The following STON2 variants were observed in gnomAD, a reference collection of about 807,000 sequenced individuals.
STON2 encodes the protein stonin 2.
Under a neutral mutation model 65.7 loss-of-function variants are expected in STON2, and 29 were observed. The ratio of observed to expected loss-of-function variants is 0.44; its 90% CI spans 0.33 to 0.60. STON2 has a LOEUF of 0.60. Among genes scored for constraint, STON2 ranks in the 20% least tolerant of loss-of-function variants. The pLI is 0.03. For missense variants in STON2, 1,054 were observed against 1,118.1 expected, an observed-to-expected ratio of 0.94 and a Z score of 0.82; for synonymous variants, 404 against 414.2, an observed-to-expected ratio of 0.98 and a Z score of 0.30.
intron 3 of STON2, 120 bp from the exon 4 acceptor site, chr14:81,371,305 C>G (rs545651196): frequency 1.1e-6 from 1 of 920,956 alleles, no homozygotes; most frequent in East Asian, 2.6e-5. Flanking sequence ...TCATATGAGG[C>G]AAGGAAGTCT....
intron 3 of STON2, among the ~76,000 whole-genome samples, chr14:81,390,038 C>A (rs916522050): frequency 6.6e-6 from 1 of 151,678 alleles, no homozygotes; most frequent in African/African-American, 2.4e-5. Flanking sequence ...CATAATGAAA[C>A]CCATCTCTAC....
At chr14:81,347,889 C>T (rs1380513161) in intron 4 of STON2, among the ~76,000 whole-genome samples, 2 of 121,312 alleles carry the variant, frequency 1.6e-5, no homozygotes, top group South Asian at 6.0e-4. Flanking sequence ...CAGAGTAGGA[C>T]CCTGTCTCTT....
At chr14:81,270,013 C>T in intron 7 of STON2, 1 of 984,566 alleles carries the variant, frequency 1.0e-6, no homozygotes, top group Non-Finnish European at 1.2e-6. Flanking sequence ...GCATTTTCTC[C>T]CCTCCATTTC....
At chr14:81,296,319 A>G (rs1895759712) in intron 5 of STON2, among the ~76,000 whole-genome samples, 1 of 152,234 alleles carries the variant, frequency 6.6e-6, no homozygotes, top group Non-Finnish European at 1.5e-5. Flanking sequence ...GATTTGTTTT[A>G]TGAAGTAAAT....
intron 2 of STON2, among the ~76,000 whole-genome samples, chr14:81,398,016 A>T (rs570277903): frequency 1.3e-5 from 2 of 152,202 alleles, no homozygotes; most frequent in Non-Finnish European, 1.5e-5. Context: ...GGCTGAGAGT[A>T]AAGTATTTGG....
At chr14:81,338,442 G>A (rs1028787833) in intron 4 of STON2, among the ~76,000 whole-genome samples, 3 of 152,310 alleles carry the variant, frequency 2.0e-5, no homozygotes, top group Middle Eastern at 3.4e-3. Context: ...CTTTCCACAT[G>A]TCTTGCTCTG....
rs765679471 is a variant in STON2 at position 81,270,636 on chromosome 14, T to C, written c.2784+34A>G. The C allele has an allele frequency of 8.7e-6, 14 of 1,613,748 alleles. 1 individual carries two copies. The Admixed American group carries it at 2.3e-4, about 27-fold the overall frequency. On this transcript the variant is annotated intron_variant, in intron 7 of 7. Transcript: ENST00000614646. Reference sequence around the variant, plus strand: ...AGGGTAGTGGGGTGAACAAATGGAGTTGGAAGCATTAGCCAGATGCTTCCC... The same window carrying C: ...AGGGTAGTGGGGTGAACAAATGGAGCTGGAAGCATTAGCCAGATGCTTCCC...
intron 2 of STON2, among the ~76,000 whole-genome samples, chr14:81,420,895 C>T (rs1240980112): frequency 6.6e-6 from 1 of 152,172 alleles, no homozygotes; most frequent in African/African-American, 2.4e-5. Context: ...CGTCCACCCC[C>T]AAACCTGCCC....
At chr14:81,423,012 G>C (rs1036285628) in intron 2 of STON2, among the ~76,000 whole-genome samples, 1 of 150,530 alleles carries the variant, frequency 6.6e-6, no homozygotes, top group Non-Finnish European at 1.5e-5. Context: ...TCCAGCCTGG[G>C]AGACAGGGCA....
chr14:81,337,966 T>A (rs1897440828), intron 4 of STON2, among the ~76,000 whole-genome samples: 1 of 152,018 alleles, frequency 6.6e-6, no homozygotes. Flanking sequence ...TTAAAAAAGA[T>A]AAAAAGAAAA....
Position 81,396,120 on chromosome 14 carries a change from G to A in STON2, c.147C>T (p.Ser49=). 8 of 1,614,128 alleles carry A rather than the reference G, an allele frequency of 5.0e-6. 1 individual carries two copies. Among genetic ancestry groups the A allele is most frequent in the Middle Eastern group, 3.3e-4 (2 of 6,056 alleles). Residue 49 remains serine, a synonymous_variant, in exon 3 of 8, where the codon TCC becomes TCT. Transcript: ENST00000614646. ...LSSSPDQSES[S]SGENHVVDGG... ...CATCCACCACATGGTTCTCCCCGGA[G>A]GAGCTCTCGGACTGGTCTGGGGAAG... is the stretch of plus-strand genomic sequence containing the variant.
chr14:81,360,795 G>A (rs186589094), intron 4 of STON2, among the ~76,000 whole-genome samples: 5 of 152,144 alleles, frequency 3.3e-5, no homozygotes, highest in African/African-American at 4.8e-5. Context: ...CCAATAAACT[G>A]TTATAACTAA....
intron 5 of STON2, among the ~76,000 whole-genome samples, chr14:81,316,775 C>A (rs1896637070): frequency 1.3e-5 from 2 of 152,184 alleles, no homozygotes; most frequent in East Asian, 3.9e-4. Context: ...AATACCAGCA[C>A]TTTGGGAGGC....
chr14:81,285,796 TTCCATGTCATGTAATATGCCCATG>T (rs1378325675), intron 5 of STON2, among the ~76,000 whole-genome samples: 6 of 152,310 alleles, frequency 3.9e-5, no homozygotes, highest in Middle Eastern at 6.8e-3. Context: ...TACCCCAAAC[TTCCATGTCATGTAATATGCCCATG>T]TAACAAACCT....
At chr14:81,314,861 G>A (rs1243659738) in intron 5 of STON2, among the ~76,000 whole-genome samples, 1 of 150,396 alleles carries the variant, frequency 6.6e-6, no homozygotes, top group African/African-American at 2.4e-5. Context: ...TTTTTGTTTT[G>A]TTTTTAGAGA....
chr14:81,313,742 C>T (rs997558370), intron 5 of STON2, among the ~76,000 whole-genome samples: 4 of 150,346 alleles, frequency 2.7e-5, no homozygotes, highest in Non-Finnish European at 4.4e-5. Flanking sequence ...TTGCAGTGAG[C>T]CAAGATCGTG....
At chr14:81,394,342 A>T (rs553662999) in intron 3 of STON2, among the ~76,000 whole-genome samples, 1 of 152,340 alleles carries the variant, frequency 6.6e-6, no homozygotes, top group African/African-American at 2.4e-5. Flanking sequence ...AAAACAAAGG[A>T]ATCAGCCTTA....
At position 81,382,693 on chromosome 14, in the gene STON2, C is replaced by T. The variant is rs548580464; in HGVS notation, c.374-11508G>A. On this transcript the variant is annotated intron_variant, in intron 3 of 7. Coordinates refer to ENST00000614646, the MANE Select transcript of STON2 (RefSeq NM_001394390.1). Reference sequence around the variant, plus strand: ...AATCTAATACACAATCTTAAATGTTCTTTTGTATTTATTCAATAGGTAATA... The same window carrying T: ...AATCTAATACACAATCTTAAATGTTTTTTTGTATTTATTCAATAGGTAATA... 6.8e-4 allele frequency among the ~76,000 whole-genome samples: 104 copies of T among 152,248 alleles called. 1 individual carries two copies. The South Asian group carries it at 0.012, about 18-fold the overall frequency.
At chr14:81,346,339 C>T (rs774304396) in intron 4 of STON2, among the ~76,000 whole-genome samples, 18 of 152,116 alleles carry the variant, frequency 1.2e-4, no homozygotes, top group Non-Finnish European at 2.5e-4. Flanking sequence ...AATGAGAAGA[C>T]GGACTACAGG....
Sources: allele counts gnomAD v4.1 joint callset (sites outside exome capture counted in the v4.1 genomes callset), GRCh38; gene constraint gnomAD v4.1.1; transcripts MANE v1.5; gene names NCBI Gene and HGNC (gene_info 2026-07-23, HGNC 2026-07-21).